The following IL17D variants were observed in gnomAD, a reference collection of about 807,000 sequenced individuals.
IL17D encodes interleukin 17D, also known as interleukin-17D.
IL17D carries 10 observed loss-of-function variants against 5.7 expected under a neutral mutation model. That is an observed-to-expected ratio of 1.75 (90% CI 1.08 to 2.97). IL17D has a LOEUF of 2.97. Among genes scored for constraint, IL17D ranks in the 30% most tolerant of loss-of-function variants. The pLI is 0.00. For synonymous variants in IL17D, 172 were observed against 141.7 expected, an observed-to-expected ratio of 1.21 and a Z score of -1.52; for missense variants, 354 against 292.7, an observed-to-expected ratio of 1.21 and a Z score of -1.53.
chr13:20,707,669 C>T (rs773161947), intron 1 of IL17D, among the ~76,000 whole-genome samples: 2 of 152,106 alleles, frequency 1.3e-5, no homozygotes, highest in African/African-American at 2.4e-5. Context: ...CACAGGTGCG[C>T]ACCACCACAT....
chr13:20,718,388 A>C (rs1443563113), intron 1 of IL17D, among the ~76,000 whole-genome samples: 1 of 151,328 alleles, frequency 6.6e-6, no homozygotes, highest in Non-Finnish European at 1.5e-5. Context: ...GCACCTGCCC[A>C]CTTACACACA....
chr13:20,722,894 G>C lies in IL17D; in HGVS notation c.*940G>C, dbSNP rs2058748679. The C allele has an allele frequency of 6.6e-6, 1 of 152,192 alleles. No individual in the cohort carries two copies. Among genetic ancestry groups the C allele is most frequent in the Non-Finnish European group, 1.5e-5 (1 of 68,044 alleles). 9.4% of individuals were successfully genotyped at this position (152,192 alleles called of 1,614,324 possible). On this transcript the variant is annotated 3_prime_UTR_variant, in exon 2 of 2. Coordinates refer to ENST00000682841, the MANE Select transcript of IL17D (RefSeq NM_001385224.1). ...CAAGCAGGTATTGGCTTAGTTGTAA[G>C]GGCTTTAGGATCAGGCTGAATATGA...
At position 20,708,980 on chromosome 13, in the gene IL17D, AAAG is replaced by A. The variant is rs1446903655; in HGVS notation, c.290+4692_290+4694del. Among the ~76,000 whole-genome samples, 44 of 43,120 alleles carry A rather than the reference AAAG, an allele frequency of 1.0e-3. 1 individual carries two copies. Among genetic ancestry groups the A allele is most frequent in the Non-Finnish European group, 1.8e-3 (29 of 15,730 alleles). 28.3% of individuals were successfully genotyped at this position (43,120 alleles called of 152,430 possible). A position where few individuals can be genotyped will look rare whatever the true frequency, so the allele number is the denominator to read the frequency against. ...TGTCTCAAAAAAAAAAAAAAAAAAG[AAAG>A]AAAGAAAAGAAAAGGACCAGTGACA... On this transcript the variant is annotated intron_variant, in intron 1 of 1. Coordinates refer to ENST00000682841, the MANE Select transcript of IL17D (RefSeq NM_001385224.1).
At position 20,716,760 on chromosome 13, in the gene IL17D, C is replaced by G. The variant is rs528178764; in HGVS notation, c.291-4876C>G. On this transcript the variant is annotated intron_variant, in intron 1 of 1. Transcript: ENST00000682841. The surrounding 1 kb of genome is among the most constrained non-coding windows in gnomAD (Gnocchi z 4.2). ...GGACACATTTCGGTGCTTGTGGGTTCTAGCCAAGATTGGAGAAGGCATTGC... is the reference window on the plus strand; with the variant it reads ...GGACACATTTCGGTGCTTGTGGGTTGTAGCCAAGATTGGAGAAGGCATTGC... Among the ~76,000 whole-genome samples, 6 of 152,354 alleles carry G rather than the reference C, an allele frequency of 3.9e-5. No individual in the cohort carries two copies. Among genetic ancestry groups the G allele is most frequent in the African/African-American group, 1.4e-4 (6 of 41,582 alleles).
chr13:20,716,449 C>G lies in IL17D; in HGVS notation c.291-5187C>G, dbSNP rs769360060. ...AAGACCTTAGAGACTCAATGTATTGCCAGTGTCTTTTCTAAGCATAAAACA... is the reference window on the plus strand; with the variant it reads ...AAGACCTTAGAGACTCAATGTATTGGCAGTGTCTTTTCTAAGCATAAAACA... On this transcript the variant is annotated intron_variant, in intron 1 of 1. Coordinates refer to ENST00000682841, the MANE Select transcript of IL17D (RefSeq NM_001385224.1). This position sits in a 1 kb window ranked among gnomAD's most constrained non-coding sequence, Gnocchi z 4.2. Among the ~76,000 whole-genome samples the G allele has an allele frequency of 2.0e-5, 3 of 152,152 alleles. No individual in the cohort carries two copies. Among genetic ancestry groups the G allele is most frequent in the Non-Finnish European group, 4.4e-5 (3 of 68,028 alleles).
Position 20,719,697 on chromosome 13 carries a change from G to A in IL17D, c.291-1939G>A, listed in dbSNP as rs148115568. On this transcript the variant is annotated intron_variant, in intron 1 of 1. Transcript: ENST00000682841. ...AAATGCTGAGATCGGAAAATGAACA[G>A]ACACGACACTATTATCTGCCCCGCA... Among the ~76,000 whole-genome samples the A allele has an allele frequency of 8.1e-4, 124 of 152,320 alleles. No homozygotes were observed. In the Middle Eastern group the frequency reaches 0.01, roughly 13 times the overall value.
intron 1 of IL17D, among the ~76,000 whole-genome samples, chr13:20,711,817 G>A (rs2058640050): frequency 7.5e-6 from 1 of 134,152 alleles, no homozygotes; most frequent in Admixed American, 8.3e-5. Context: ...GCCACCTTGG[G>A]ATACAGATGT....
intron 1 of IL17D, chr13:20,714,192 C>T (rs2058661450): frequency 1.3e-5 from 2 of 152,274 alleles, no homozygotes; most frequent in African/African-American, 4.8e-5. Flanking sequence ...CCCTTTCCCT[C>T]TGTAAAACTT....
At chr13:20,703,191 G>C, upstream of IL17D, 1 of 813,314 alleles carries the variant, frequency 1.2e-6, no homozygotes, top group Non-Finnish European at 1.5e-6. Context: ...TGGGCGCCCC[G>C]CCGCATGCTC....
rs560528260 is a variant in IL17D at position 20,718,817 on chromosome 13, CACACACCTGCCCACACTCAG to C, written c.291-2806_291-2787del. ...ACCTGCCCACGCTCACCCCTGCCCA[CACACACCTGCCCACACTCAG>C]ACACACCTGCCCCCTCACCCACACA... On this transcript the variant is annotated intron_variant, in intron 1 of 1. Coordinates refer to ENST00000682841, the MANE Select transcript of IL17D (RefSeq NM_001385224.1). 2.3e-3 allele frequency among the ~76,000 whole-genome samples: 346 copies of C among 148,396 alleles called. 2 individuals carry two copies. The highest frequency in any genetic ancestry group is 6.7e-3 in the African/African-American group (267 of 40,080).
chr13:20,702,593 G>A (rs2058553630), upstream of IL17D: 1 of 152,232 alleles, frequency 6.6e-6, no homozygotes, highest in Non-Finnish European at 1.5e-5. Flanking sequence ...GTGTTATGAA[G>A]TATATAATAT....
chr13:20,710,132 A>G (rs373965563), intron 1 of IL17D, among the ~76,000 whole-genome samples: 2 of 152,254 alleles, frequency 1.3e-5, no homozygotes, highest in East Asian at 3.9e-4. Flanking sequence ...GAATACAAAA[A>G]TATTTTTTCA....
In IL17D at chr13:20,704,159, C is replaced by A; in HGVS notation, c.158C>A (p.Ala53Asp). 1 of 1,370,210 alleles carries A rather than the reference C, an allele frequency of 7.3e-7. No individual in the cohort carries two copies. Among genetic ancestry groups the A allele is most frequent in the African/African-American group, 1.5e-5 (1 of 65,184 alleles). The allele number at this position is 1,370,210 out of a possible 1,614,324, so 84.9% of individuals were successfully genotyped here. ...YGRLAAGVLS[A>D]FHHTLQLGPR... ...CGCCTGGCGGCCGGCGTGCTCAGTG[C>A]CTTCCACCACACGCTGCAGCTGGGG... The change falls in exon 1 of 2, where the codon GCC (alanine) becomes GAC (aspartate). Residue 53 changes from alanine to aspartate, a missense_variant. By Grantham distance (126) the Ala-to-Asp change is moderately radical. Coordinates refer to ENST00000682841, the MANE Select transcript of IL17D (RefSeq NM_001385224.1).
chr13:20,710,015 G>A (rs1386134857), intron 1 of IL17D, among the ~76,000 whole-genome samples: 1 of 152,180 alleles, frequency 6.6e-6, no homozygotes, highest in East Asian at 1.9e-4. Flanking sequence ...ATTGGCCCCA[G>A]GTGACAGACA....
At chr13:20,717,444 C>A (rs2058686010) in intron 1 of IL17D, 1 of 152,262 alleles carries the variant, frequency 6.6e-6, no homozygotes. Context: ...GAAAAGCACA[C>A]CTAGCTGTTG....
At position 20,716,735 on chromosome 13, in the gene IL17D, G is replaced by A. The variant is rs1473714109; in HGVS notation, c.291-4901G>A. ...CGCTACCGAGGCAGGCTGTCTCCACGGACACATTTCGGTGCTTGTGGGTTC... is the reference window on the plus strand; with the variant it reads ...CGCTACCGAGGCAGGCTGTCTCCACAGACACATTTCGGTGCTTGTGGGTTC... On this transcript the variant is annotated intron_variant, in intron 1 of 1. Coordinates refer to ENST00000682841, the MANE Select transcript of IL17D (RefSeq NM_001385224.1). This position sits in a 1 kb window ranked among gnomAD's most constrained non-coding sequence, Gnocchi z 4.2. Among the ~76,000 whole-genome samples the A allele has an allele frequency of 6.6e-6, 1 of 152,178 alleles. No homozygotes were observed. Among genetic ancestry groups the A allele is most frequent in the East Asian group, 1.9e-4 (1 of 5,192 alleles).
Position 20,704,190 on chromosome 13 carries a change from TGAGCAGGCGCGCAACGC to T in IL17D, c.194_210del (p.Gln65LeufsTer41), listed in dbSNP as rs1218730898. On this transcript the variant is annotated frameshift_variant, in exon 1 of 2. Coordinates refer to ENST00000682841, the MANE Select transcript of IL17D (RefSeq NM_001385224.1). LOFTEE classifies it high-confidence loss of function. ...ACCACACGCTGCAGCTGGGGCCGCG[TGAGCAGGCGCGCAACGC>T]GAGCTGCCCGGCAGGGGGCAGGCCC... The T allele has an allele frequency of 5.8e-6, 8 of 1,369,872 alleles. No homozygotes were observed. Among genetic ancestry groups the T allele is most frequent in the Non-Finnish European group, 5.7e-6 (6 of 1,055,846 alleles). 84.9% of individuals were successfully genotyped at this position (1,369,872 alleles called of 1,614,324 possible).
intron 1 of IL17D, chr13:20,715,989 C>T (rs1419870500): frequency 2.5e-6 from 1 of 395,712 alleles, no homozygotes; most frequent in African/African-American, 2.2e-5. Flanking sequence ...GCTCAAGAGG[C>T]CTCCCAAAGT....
intron 1 of IL17D, among the ~76,000 whole-genome samples, chr13:20,711,735 C>A (rs1038637866): frequency 1.3e-5 from 2 of 152,218 alleles, no homozygotes; most frequent in Non-Finnish European, 2.9e-5. Context: ...ACCAGAATTT[C>A]AGCAGATGAC....
Sources: allele counts gnomAD v4.1 joint callset (sites outside exome capture counted in the v4.1 genomes callset), GRCh38; gene constraint gnomAD v4.1.1; non-coding constraint Gnocchi (gnomAD v3.1); transcripts MANE v1.5; gene names NCBI Gene and HGNC (gene_info 2026-07-23, HGNC 2026-07-21).